The following SLC9A7 variants were observed in gnomAD, a reference collection of about 807,000 sequenced individuals.
SLC9A7 encodes the protein solute carrier family 9 member A7.
SLC9A7 carries 19 observed loss-of-function variants against 52.6 expected under a neutral mutation model. The ratio of observed to expected loss-of-function variants is 0.36; its 90% confidence interval spans 0.25 to 0.53. The LOEUF (loss-of-function observed/expected upper bound fraction) is 0.53, where lower values mean the gene tolerates loss of function less well. Ranked by LOEUF, SLC9A7 falls within the 20% of genes least tolerant of loss-of-function variation. The probability of loss-of-function intolerance (pLI) is 0.91; values close to 1 mark genes in which losing one functional copy is unlikely to be tolerated. For missense variants in SLC9A7, 455 were observed against 597.9 expected (o/e 0.76, Z 2.49); for synonymous variants, 226 against 252.1 (o/e 0.90, Z 0.98).
At chrX:46,694,180 A>C (rs971662441) in intron 1 of SLC9A7, among the ~76,000 whole-genome samples, 9 of 108,831 alleles carry the variant, frequency 8.3e-5, no homozygotes, top group African/African-American at 3.0e-4. Context: ...ATTAAAAAAA[A>C]AGAAGACTGA....
chrX:46,646,700 A>G (rs1440958948), intron 11 of SLC9A7: 1 of 281,938 alleles, frequency 3.5e-6, no homozygotes, highest in East Asian at 8.4e-5. Flanking sequence ...GTTCTTGTCC[A>G]ATTCATAGAC....
chrX:46,630,002 G>A (rs761336875), intron 14 of SLC9A7, among the ~76,000 whole-genome samples: 2 of 111,884 alleles, frequency 1.8e-5, no homozygotes, highest in East Asian at 5.6e-4. Context: ...CATCTCAAAG[G>A]TCTTCTGGAG....
chrX:46,662,573 G>A lies in SLC9A7; in HGVS notation c.864C>T (p.Ser288=), dbSNP rs778254167. ...VDLYALLFGE[S]VLNDAVAIVL... ...CAATGGCAACAGCATCATTTAGGAC[G>A]CTCTCTCCAAAAAGAAGTGCGTAAA... Residue 288 remains serine (S), a synonymous_variant, in exon 6 of 17, where the codon AGC becomes AGT. Coordinates refer to ENST00000616978, the MANE Select transcript of SLC9A7 (RefSeq NM_001257291.2). 11 of 1,206,678 alleles carry A rather than the reference G, an allele frequency of 9.1e-6. No homozygotes were observed. Among genetic ancestry groups the A allele is most frequent in the South Asian group, 1.8e-5 (1 of 56,717 alleles).
intron 1 of SLC9A7, among the ~76,000 whole-genome samples, chrX:46,729,640 G>A (rs776131364): frequency 2.7e-5 from 3 of 110,882 alleles, no homozygotes; most frequent in Non-Finnish European, 5.7e-5. Flanking sequence ...GGGCATGGTG[G>A]TGGGTGCCTG....
intron 1 of SLC9A7, among the ~76,000 whole-genome samples, chrX:46,692,290 C>T (rs1944391021): frequency 9.0e-6 from 1 of 111,632 alleles, no homozygotes; most frequent in Admixed American, 9.5e-5. Context: ...AGATGACCTG[C>T]ATGGCACCAT....
At chrX:46,674,300 A>G (rs993726025) in intron 3 of SLC9A7, among the ~76,000 whole-genome samples, 16 of 112,369 alleles carry the variant, frequency 1.4e-4, no homozygotes, top group African/African-American at 4.5e-4. Flanking sequence ...TTCATAATAT[A>G]TTCTAAAATC....
chrX:46,718,699 C>T (rs1406849356), intron 1 of SLC9A7, among the ~76,000 whole-genome samples: 39 of 112,268 alleles, frequency 3.5e-4, no homozygotes, highest in Admixed American at 8.4e-4. Flanking sequence ...TGAAAAAATG[C>T]TCATCATCAC....
intron 7 of SLC9A7, among the ~76,000 whole-genome samples, chrX:46,657,129 A>G (rs1472171197): frequency 9.1e-6 from 1 of 109,944 alleles, no homozygotes; most frequent in Admixed American, 9.8e-5. Flanking sequence ...ACTAAGCTTC[A>G]TAAGTGAAGG....
At chrX:46,698,127 C>T (rs1019331152) in intron 1 of SLC9A7, among the ~76,000 whole-genome samples, 11 of 112,118 alleles carry the variant, frequency 9.8e-5, no homozygotes, top group African/African-American at 3.2e-4. Context: ...ATTTTAATTT[C>T]GTCCCGGTCC....
At chrX:46,746,200 G>A (rs1053394501) in intron 1 of SLC9A7, among the ~76,000 whole-genome samples, 1 of 110,132 alleles carries the variant, frequency 9.1e-6, no homozygotes, top group Non-Finnish European at 1.9e-5. Flanking sequence ...GTGGTGGTGG[G>A]CACCTGTAAT....
chrX:46,738,734 C>T (rs1250863893), intron 1 of SLC9A7, among the ~76,000 whole-genome samples: 1 of 108,434 alleles, frequency 9.2e-6, no homozygotes, highest in Non-Finnish European at 1.9e-5. Flanking sequence ...CATGCCACTC[C>T]ACTCCAGCCT....
intron 12 of SLC9A7, among the ~76,000 whole-genome samples, chrX:46,640,351 A>G (rs1418289848): frequency 8.9e-6 from 1 of 112,393 alleles, no homozygotes. Context: ...CTGGATAGCC[A>G]TTGGCAAATA....
chrX:46,619,342 G>A (rs1322918553), intron 15 of SLC9A7, among the ~76,000 whole-genome samples: 1 of 111,597 alleles, frequency 9.0e-6, no homozygotes, highest in African/African-American at 3.3e-5. Context: ...TGGAAAACTG[G>A]CACTATCTTC....
chrX:46,718,102 A>T (rs1232945447), intron 1 of SLC9A7, among the ~76,000 whole-genome samples: 1 of 111,549 alleles, frequency 9.0e-6, no homozygotes, highest in Admixed American at 9.6e-5. Context: ...AACAGAGATA[A>T]AGACCAATGG....
intron 2 of SLC9A7, 69 bp downstream of exon 2, chrX:46,682,267 C>T: frequency 5.9e-6 from 6 of 1,025,044 alleles, no homozygotes; most frequent in Admixed American, 2.2e-5. Flanking sequence ...TTTCTCTCCA[C>T]AAGGTCAAGA....
At chrX:46,688,615 A>G (rs1176838752) in intron 1 of SLC9A7, among the ~76,000 whole-genome samples, 1 of 110,212 alleles carries the variant, frequency 9.1e-6, no homozygotes, top group Non-Finnish European at 1.9e-5. Context: ...AAAAAAAAAA[A>G]AGAGTTATAG....
chrX:46,610,416 G>C (rs772779952), intron 16 of SLC9A7, among the ~76,000 whole-genome samples: 10 of 112,442 alleles, frequency 8.9e-5, no homozygotes, highest in Non-Finnish European at 1.5e-4. Context: ...TGGTGGGTAA[G>C]AACCATGCAA....
chrX:46,644,241 A>C (rs2146759446), intron 11 of SLC9A7, among the ~76,000 whole-genome samples: 1 of 112,290 alleles, frequency 8.9e-6, no homozygotes, highest in Admixed American at 9.4e-5. Context: ...ATCTGCATTA[A>C]TGGATTTAAG....
Position 46,655,950 on chromosome X carries a change from C to T in SLC9A7, c.1042-2236G>A, listed in dbSNP as rs755598889. Reference sequence around the variant, plus strand: ...AGACAAACAAAAAGACAGCAGTAACCTCCGCAGACTTAAATGTCCCTGTCT... The same window carrying T: ...AGACAAACAAAAAGACAGCAGTAACTTCCGCAGACTTAAATGTCCCTGTCT... On this transcript the variant is annotated intron_variant, in intron 7 of 16. Transcript: ENST00000616978. 3.4e-4 allele frequency among the ~76,000 whole-genome samples: 38 copies of T among 112,068 alleles called. No individual in the cohort carries two copies. In the East Asian group the frequency reaches 9.1e-3, roughly 27 times the overall value.
Sources: allele counts gnomAD v4.1 joint callset (sites outside exome capture counted in the v4.1 genomes callset), GRCh38; gene constraint gnomAD v4.1.1; transcripts MANE v1.5; gene names NCBI Gene and HGNC (gene_info 2026-07-23, HGNC 2026-07-21).